Variants in BARX2 observed in about 807,000 individuals in gnomAD.
BARX2 encodes the protein BARX homeobox 2, also known as homeobox protein BarH-like 2.
Under a neutral mutation model 25.5 loss-of-function variants are expected in BARX2, and 11 were observed. That is an observed-to-expected ratio of 0.43 (90% CI 0.27 to 0.71). The LOEUF (loss-of-function observed/expected upper bound fraction) is 0.71, where lower values mean the gene tolerates loss of function less well. BARX2 is among the 30% of genes least tolerant of loss of function. BARX2 has a pLI of 0.19. For missense variants in BARX2, 360 were observed against 359.9 expected (o/e 1.00, Z 0.00); for synonymous variants, 137 against 149.5 (o/e 0.92, Z 0.61).
At chr11:129,438,271 A>C (rs1862216166) in intron 2 of BARX2, 2 of 150,538 alleles carry the variant, frequency 1.3e-5, no homozygotes, top group Non-Finnish European at 3.0e-5. Flanking sequence ...GCAGTGAGCC[A>C]AAATCATGCC....
chr11:129,445,365 AATCG>A (rs1301664546), intron 3 of BARX2, among the ~76,000 whole-genome samples: 2 of 152,252 alleles, frequency 1.3e-5, no homozygotes, highest in Non-Finnish European at 1.5e-5. Context: ...ATGATTAAGG[AATCG>A]ACAGGCAGCC....
In BARX2 at chr11:129,396,373, G is replaced by T. The variant is rs544734668; in HGVS notation, c.187+20151G>T. Among the ~76,000 whole-genome samples the T allele has an allele frequency of 2.7e-5, 4 of 149,106 alleles. No individual in the cohort carries two copies. In the South Asian group the frequency reaches 8.4e-4, roughly 31 times the overall value. ...CCCACACCTGTGGCTTTCTGATATT[G>T]CCACTCCTCCCCACTCACCTTTTTT... On this transcript the variant is annotated intron_variant, in intron 1 of 3. Coordinates refer to ENST00000281437, the MANE Select transcript of BARX2 (RefSeq NM_003658.5).
At chr11:129,378,629 T>C (rs1308788074) in intron 1 of BARX2, among the ~76,000 whole-genome samples, 3 of 137,186 alleles carry the variant, frequency 2.2e-5, no homozygotes, top group Middle Eastern at 4.8e-3. Context: ...AAGCAATGCA[T>C]AAAAAGTTCA....
At position 129,376,446 on chromosome 11, in the gene BARX2, A is replaced by G. The variant is rs1392353142; in HGVS notation, c.187+224A>G. On this transcript the variant is annotated intron_variant, in intron 1 of 3. Coordinates refer to ENST00000281437, the MANE Select transcript of BARX2 (RefSeq NM_003658.5). The surrounding 1 kb of genome is among the most constrained non-coding windows in gnomAD (Gnocchi z 4.2). ...GAAATAAAGGCGGCAGGGCCTTAGGAGTGGGCTGCTCGCGCAACGCCTGAT... is the reference window on the plus strand; with the variant it reads ...GAAATAAAGGCGGCAGGGCCTTAGGGGTGGGCTGCTCGCGCAACGCCTGAT... Among the ~76,000 whole-genome samples the G allele has an allele frequency of 6.6e-6, 1 of 152,200 alleles. No individual in the cohort carries two copies. The highest frequency in any genetic ancestry group is 1.5e-5 in the Non-Finnish European group (1 of 68,044).
intron 1 of BARX2, among the ~76,000 whole-genome samples, chr11:129,414,911 T>G (rs757409668): frequency 6.6e-6 from 1 of 152,262 alleles, no homozygotes; most frequent in East Asian, 1.9e-4. Context: ...AATAATGAGA[T>G]AGTAATTAAT....
intron 3 of BARX2, among the ~76,000 whole-genome samples, chr11:129,445,753 T>C (rs902758614): frequency 3.3e-5 from 5 of 152,180 alleles, no homozygotes; most frequent in African/African-American, 1.2e-4. Flanking sequence ...TGCAAACTGG[T>C]ATTATTATTT....
intron 1 of BARX2, among the ~76,000 whole-genome samples, chr11:129,430,943 C>A (rs1028954620): frequency 1.3e-5 from 2 of 152,024 alleles, no homozygotes; most frequent in African/African-American, 4.8e-5. Flanking sequence ...CTCTCTGCAA[C>A]CTTCACTTCC....
At chr11:129,404,046 A>G (rs909811391) in intron 1 of BARX2, among the ~76,000 whole-genome samples, 1 of 152,252 alleles carries the variant, frequency 6.6e-6, no homozygotes, top group Non-Finnish European at 1.5e-5. Context: ...GAATGATTCT[A>G]TCAAAGATTT....
intron 3 of BARX2, among the ~76,000 whole-genome samples, chr11:129,444,420 C>T (rs1168966492): frequency 2.0e-5 from 3 of 152,212 alleles, no homozygotes; most frequent in Admixed American, 6.5e-5. Flanking sequence ...GAAGTGCCCA[C>T]GAATTAAGAC....
At chr11:129,420,687 G>A (rs1445237988) in intron 1 of BARX2, among the ~76,000 whole-genome samples, 3 of 152,166 alleles carry the variant, frequency 2.0e-5, no homozygotes, top group African/African-American at 7.2e-5. Flanking sequence ...TCACCTCCTT[G>A]TGAACTGAGA....
At position 129,436,786 on chromosome 11, in the gene BARX2, G is replaced by A; in HGVS notation, c.223G>A (p.Val75Met). ...PSLRAYPLLS[V>M]ITRQPTVISH... ...CCTGCGGGCATATCCGCTCCTCTCG[G>A]TGATCACCCGCCAGCCCACTGTCAT... is the stretch of plus-strand genomic sequence containing the variant. The change falls in exon 2 of 4, where the codon GTG becomes ATG. Residue 75 changes from valine to methionine, a missense_variant. By Grantham distance (21) the Val-to-Met change is conservative (BLOSUM62 1). Coordinates refer to ENST00000281437, the MANE Select transcript of BARX2 (RefSeq NM_003658.5). The surrounding 1 kb of genome is among the most constrained non-coding windows in gnomAD (Gnocchi z 4.5). The A allele has an allele frequency of 1.9e-6, 3 of 1,607,980 alleles. No individual in the cohort carries two copies. The highest frequency in any genetic ancestry group is 2.5e-6 in the Non-Finnish European group (3 of 1,176,512).
intron 1 of BARX2, among the ~76,000 whole-genome samples, chr11:129,401,987 G>A (rs1408404681): frequency 2.0e-5 from 3 of 147,428 alleles, no homozygotes; most frequent in Admixed American, 1.4e-4. Context: ...AAGAAATGAA[G>A]GCCAACTTCC....
At chr11:129,413,313 C>T (rs1434506899) in intron 1 of BARX2, among the ~76,000 whole-genome samples, 1 of 152,192 alleles carries the variant, frequency 6.6e-6, no homozygotes, top group African/African-American at 2.4e-5. Context: ...TGAAGCCAAA[C>T]TCAAAAGCAG....
Position 129,390,093 on chromosome 11 carries a change from T to A in BARX2, c.187+13871T>A, listed in dbSNP as rs1275732869. 6.6e-6 allele frequency among the ~76,000 whole-genome samples: 1 copy of A among 152,208 alleles called. No individual in the cohort carries two copies. Among genetic ancestry groups the A allele is most frequent in the Non-Finnish European group, 1.5e-5 (1 of 68,044 alleles). ...GTATCTGCTGGTGAAATACTTTAATTGATGAATCCCCTCCACGGTGTGAGA... is the reference window on the plus strand; with the variant it reads ...GTATCTGCTGGTGAAATACTTTAATAGATGAATCCCCTCCACGGTGTGAGA... On this transcript the variant is annotated intron_variant, in intron 1 of 3. Coordinates refer to ENST00000281437, the MANE Select transcript of BARX2 (RefSeq NM_003658.5). This position sits in a 1 kb window ranked among gnomAD's most constrained non-coding sequence, Gnocchi z 4.3.
At chr11:129,400,755 C>T (rs1251227427) in intron 1 of BARX2, among the ~76,000 whole-genome samples, 5 of 152,098 alleles carry the variant, frequency 3.3e-5, no homozygotes, top group African/African-American at 9.7e-5. Flanking sequence ...AGGCTTCTGC[C>T]ATCATCCAGG....
chr11:129,399,126 G>A (rs1364229440), intron 1 of BARX2, among the ~76,000 whole-genome samples: 1 of 152,168 alleles, frequency 6.6e-6, no homozygotes, highest in East Asian at 1.9e-4. Flanking sequence ...GCTCAGATTG[G>A]CCCAATGGAT....
intron 1 of BARX2, among the ~76,000 whole-genome samples, chr11:129,406,943 G>C (rs1861836643): frequency 6.6e-6 from 1 of 152,212 alleles, no homozygotes; most frequent in Non-Finnish European, 1.5e-5. Flanking sequence ...AACCCATGGA[G>C]TTGGAAGCAC....
intron 1 of BARX2, among the ~76,000 whole-genome samples, chr11:129,404,642 G>A (rs1861812079): frequency 1.3e-5 from 2 of 152,174 alleles, no homozygotes; most frequent in South Asian, 4.1e-4. Flanking sequence ...TAATAAGCCT[G>A]GTGGGAAATT....
intron 3 of BARX2, among the ~76,000 whole-genome samples, chr11:129,449,630 C>T (rs1329220049): frequency 6.6e-6 from 1 of 152,120 alleles, no homozygotes; most frequent in African/African-American, 2.4e-5. Context: ...GTGTGGGTCA[C>T]AAATTGGGAT....
Sources: allele counts gnomAD v4.1 joint callset (sites outside exome capture counted in the v4.1 genomes callset), GRCh38; gene constraint gnomAD v4.1.1; non-coding constraint Gnocchi (gnomAD v3.1); transcripts MANE v1.5; gene names NCBI Gene and HGNC (gene_info 2026-07-23, HGNC 2026-07-21).